RNLS: variants seen among roughly 807,000 people sequenced by gnomAD.
RNLS encodes renalase.
Under a neutral mutation model 39.8 loss-of-function variants are expected in RNLS, and 39 were observed. The observed-to-expected ratio is 0.98, with a 90% confidence interval of 0.76 to 1.28. RNLS has a LOEUF of 1.28. Ranked by LOEUF, RNLS falls within the 50% of genes most tolerant of loss-of-function variation. The probability of loss-of-function intolerance (pLI) is 0.00; values close to 1 mark genes in which losing one functional copy is unlikely to be tolerated. For missense variants in RNLS, 410 were observed against 413.3 expected (o/e 0.99, Z 0.07); for synonymous variants, 147 against 150.7 (o/e 0.98, Z 0.18).
At chr10:88,200,550 A>T in the RNLS span, among the ~76,000 whole-genome samples, 2 of 152,202 alleles carry the variant, frequency 1.3e-5, no homozygotes, top group Admixed American at 6.5e-5. Context: ...TCTCCAATTC[A>T]TTCATTTATT....
chr10:88,234,061 C>G, the RNLS span, among the ~76,000 whole-genome samples: 2 of 147,732 alleles, frequency 1.4e-5, no homozygotes, highest in Middle Eastern at 3.2e-3. Context: ...AGGAAGTGGG[C>G]GATGGCCCTG....
intron 4 of RNLS, among the ~76,000 whole-genome samples, chr10:88,420,495 T>G (rs887570769): frequency 4.6e-5 from 7 of 152,242 alleles, no homozygotes; most frequent in African/African-American, 1.7e-4. Context: ...GTGGCAAATC[T>G]GTTCCATAGC....
At chr10:88,345,033 G>A (rs1848216418) in intron 5 of RNLS, among the ~76,000 whole-genome samples, 1 of 152,012 alleles carries the variant, frequency 6.6e-6, no homozygotes, top group African/African-American at 2.4e-5. Context: ...GCCCACATAC[G>A]ATTTTAGAGG....
chr10:88,465,468 T>C (rs568432532), intron 4 of RNLS, among the ~76,000 whole-genome samples: 1 of 152,156 alleles, frequency 6.6e-6, no homozygotes, highest in African/African-American at 2.4e-5. Context: ...AGGATCCACA[T>C]TTGAACTATG....
chr10:88,266,694 TACACACAC>T, the RNLS span, among the ~76,000 whole-genome samples: 10,456 of 134,144 alleles, frequency 0.078, 623 homozygotes, highest in African/African-American at 0.17. Flanking sequence ...TTCTTTTAAA[TACACACAC>T]ACACACACAC....
intron 6 of RNLS, among the ~76,000 whole-genome samples, chr10:88,276,224 T>C (rs748695964): frequency 1.8e-4 from 27 of 152,204 alleles, no homozygotes; most frequent in Non-Finnish European, 3.4e-4. Context: ...AATTGTTGTA[T>C]ATGTATTTTT....
intron 4 of RNLS, among the ~76,000 whole-genome samples, chr10:88,494,807 G>T (rs1845077294): frequency 6.6e-6 from 1 of 152,130 alleles, no homozygotes; most frequent in Non-Finnish European, 1.5e-5. Context: ...CTCTAGACCA[G>T]ACTTAAGTTT....
chr10:88,471,574 C>G (rs774444480), intron 4 of RNLS, among the ~76,000 whole-genome samples: 1 of 152,220 alleles, frequency 6.6e-6, no homozygotes, highest in Admixed American at 6.5e-5. Flanking sequence ...AGAGGTGTCA[C>G]GAGTTCCCAA....
rs1854437601 is a variant in RNLS, at chr10:88,421,956, T to C, written c.527-59231A>G. On this transcript the variant is annotated intron_variant, in intron 4 of 6. Transcript: ENST00000331772. ...GCTCATTATACAAGATCACACCATA[T>C]TGTGATTCATCTTTGATGTACATGT... 2.6e-5 allele frequency among the ~76,000 whole-genome samples: 4 copies of C among 152,196 alleles called. No homozygotes were observed. The South Asian group carries it at 8.3e-4, about 32-fold the overall frequency.
At chr10:88,298,834 T>C (rs1844289895) in intron 6 of RNLS, among the ~76,000 whole-genome samples, 1 of 152,342 alleles carries the variant, frequency 6.6e-6, no homozygotes, top group African/African-American at 2.4e-5. Flanking sequence ...TCCGTATAAA[T>C]TTTGGCTCTT....
the RNLS span, among the ~76,000 whole-genome samples, chr10:88,262,146 A>G: frequency 6.6e-6 from 1 of 152,172 alleles, no homozygotes; most frequent in East Asian, 1.9e-4. Context: ...GGCAGAGTCT[A>G]GACTAGCAAA....
intron 4 of RNLS, among the ~76,000 whole-genome samples, chr10:88,508,636 A>G (rs10887830): frequency 0.087 from 13,267 of 152,126 alleles, 754 homozygotes; most frequent in Middle Eastern, 0.15. Context: ...ACTGGTGCCA[A>G]TGTTTCTTTA....
At chr10:88,342,581 G>A (rs1053984278) in intron 5 of RNLS, among the ~76,000 whole-genome samples, 1 of 152,042 alleles carries the variant, frequency 6.6e-6, no homozygotes, top group Non-Finnish European at 1.5e-5. Context: ...CAACTTGAAG[G>A]TAAAACAGGC....
the RNLS span, among the ~76,000 whole-genome samples, chr10:88,243,236 T>A: frequency 6.6e-6 from 1 of 152,326 alleles, no homozygotes; most frequent in South Asian, 2.1e-4. Flanking sequence ...GATGATAAAT[T>A]CAAATTTACA....
At chr10:88,545,571 G>A in intron 4 of RNLS, 1 of 420,492 alleles carries the variant, frequency 2.4e-6, no homozygotes, top group East Asian at 7.3e-5. Flanking sequence ...CCATGATTCA[G>A]TTACCTCCCA....
chr10:88,477,497 A>G (rs1843885674), intron 4 of RNLS, among the ~76,000 whole-genome samples: 1 of 152,194 alleles, frequency 6.6e-6, no homozygotes, highest in African/African-American at 2.4e-5. Context: ...TGACAACAGC[A>G]ACGCTGATGT....
the RNLS span, among the ~76,000 whole-genome samples, chr10:88,243,213 T>C: frequency 2.0e-5 from 3 of 152,236 alleles, no homozygotes; most frequent in Non-Finnish European, 4.4e-5. Context: ...ATCACAAATA[T>C]GCCTACTTTG....
intron 6 of RNLS, among the ~76,000 whole-genome samples, chr10:88,313,978 A>C (rs998367646): frequency 2.0e-5 from 3 of 152,188 alleles, no homozygotes; most frequent in Non-Finnish European, 4.4e-5. Context: ...GCAGGTACTT[A>C]TCTCTCTCCC....
At chr10:88,431,867 T>C (rs1855149504) in intron 4 of RNLS, among the ~76,000 whole-genome samples, 1 of 151,760 alleles carries the variant, frequency 6.6e-6, no homozygotes, top group South Asian at 2.1e-4. Flanking sequence ...TTACTGACAA[T>C]GTCTTTATGG....
Sources: allele counts gnomAD v4.1 joint callset (sites outside exome capture counted in the v4.1 genomes callset), GRCh38; gene constraint gnomAD v4.1.1; transcripts MANE v1.5; gene names NCBI Gene and HGNC (gene_info 2026-07-23, HGNC 2026-07-21).